The following NFIB variants were observed in gnomAD, a reference collection of about 807,000 sequenced individuals.
NFIB encodes nuclear factor I B, also known as nuclear factor 1 B-type.
NFIB carries 11 observed loss-of-function variants against 61.5 expected under a neutral mutation model. The observed-to-expected ratio is 0.18, with a 90% CI of 0.11 to 0.30. The LOEUF is 0.30. Among genes scored for constraint, NFIB ranks in the 10% least tolerant of loss-of-function variants. NFIB has a pLI of 1.00. For missense variants in NFIB, 471 were observed against 608.9 expected (o/e 0.77, Z 2.38); for synonymous variants, 260 against 216.5 (o/e 1.20, Z -1.76).
At chr9:14,286,681 T>C (rs1215067872) in intron 2 of NFIB, among the ~76,000 whole-genome samples, 2 of 152,226 alleles carry the variant, frequency 1.3e-5, no homozygotes, top group Non-Finnish European at 2.9e-5. Flanking sequence ...TGTCTCTCAC[T>C]ACTATAAAAT....
At chr9:14,318,859 T>C (rs10961475), upstream of NFIB, among the ~76,000 whole-genome samples, 65 of 152,236 alleles carry the variant, frequency 4.3e-4, no homozygotes, top group East Asian at 0.012. Flanking sequence ...AAAATCAATT[T>C]TACCAGCTCA....
the NFIB span, among the ~76,000 whole-genome samples, chr9:14,515,956 C>T: frequency 6.6e-6 from 1 of 152,264 alleles, no homozygotes; most frequent in African/African-American, 2.4e-5. Context: ...GCTGTGACTG[C>T]TAATGGCTGC....
chr9:14,184,072 C>T (rs1237204643), intron 2 of NFIB, among the ~76,000 whole-genome samples: 1 of 138,648 alleles, frequency 7.2e-6, no homozygotes, highest in Non-Finnish European at 1.6e-5. Context: ...AGCGGTCAAT[C>T]TCTCGTGGCT....
chr9:14,272,557 G>C, intron 2 of NFIB, among the ~76,000 whole-genome samples: 1 of 151,770 alleles, frequency 6.6e-6, no homozygotes, highest in East Asian at 1.9e-4. Flanking sequence ...TCTAGCATTT[G>C]TGCTGCCAGT....
At chr9:14,187,647 T>A (rs2047528946) in intron 2 of NFIB, among the ~76,000 whole-genome samples, 1 of 152,130 alleles carries the variant, frequency 6.6e-6, no homozygotes. Flanking sequence ...ACTTTTTTGC[T>A]TAACAAGGAG....
chr9:14,436,831 G>T, the NFIB span, among the ~76,000 whole-genome samples: 1 of 152,142 alleles, frequency 6.6e-6, no homozygotes, highest in African/African-American at 2.4e-5. Flanking sequence ...AGGATTCAGT[G>T]GAGAAGAAAA....
At chr9:14,473,795 A>T in the NFIB span, among the ~76,000 whole-genome samples, 3 of 152,112 alleles carry the variant, frequency 2.0e-5, no homozygotes, top group African/African-American at 7.2e-5. Context: ...TGATTTTTTT[A>T]TGTCTCCACT....
chr9:14,346,087 G>A (rs2061014629), intron 1 of NFIB, among the ~76,000 whole-genome samples: 1 of 152,188 alleles, frequency 6.6e-6, no homozygotes, highest in African/African-American at 2.4e-5. Flanking sequence ...CAGTAGAAGC[G>A]GGACCTGTGC....
the NFIB span, among the ~76,000 whole-genome samples, chr9:14,412,633 G>A: frequency 2.2e-4 from 34 of 152,170 alleles, no homozygotes; most frequent in Admixed American, 2.2e-3. Flanking sequence ...TGTGGGGCAT[G>A]AGCAGGGCTC....
chr9:14,499,300 G>C, the NFIB span, among the ~76,000 whole-genome samples: 1 of 152,146 alleles, frequency 6.6e-6, no homozygotes, highest in East Asian at 1.9e-4. Flanking sequence ...GGATGGTGGA[G>C]GTAGCAGGAG....
At chr9:14,467,518 G>A in the NFIB span, among the ~76,000 whole-genome samples, 1 of 152,110 alleles carries the variant, frequency 6.6e-6, no homozygotes, top group Non-Finnish European at 1.5e-5. Context: ...AGCTCTTACT[G>A]GGGTGAAGGG....
At position 14,109,043 on chromosome 9, in the gene NFIB, A is replaced by G. The variant is rs557496799; in HGVS notation, c.1467+3956T>C. The stretch of plus-strand genomic sequence containing the variant: ...CAAATGTAATGGTGATAATCAAATT[A>G]GCCAGATTCTCTTGTATTAATACTA... On this transcript the variant is annotated intron_variant, in intron 10 of 10. Transcript: ENST00000380953. 2.6e-5 allele frequency among the ~76,000 whole-genome samples: 4 copies of G among 152,202 alleles called. No homozygotes were observed. The South Asian group carries it at 8.3e-4, about 32-fold the overall frequency.
chr9:14,167,404 G>C (rs1044358605), intron 3 of NFIB, among the ~76,000 whole-genome samples: 1 of 151,996 alleles, frequency 6.6e-6, no homozygotes, highest in African/African-American at 2.4e-5. Flanking sequence ...ATGGTGGTAC[G>C]CGCCTCTAGT....
intron 10 of NFIB, among the ~76,000 whole-genome samples, chr9:14,097,480 G>A (rs2034982334): frequency 6.6e-6 from 1 of 152,186 alleles, no homozygotes; most frequent in African/African-American, 2.4e-5. Context: ...ATAACAAACT[G>A]AGAGCAGGAA....
intron 10 of NFIB, among the ~76,000 whole-genome samples, chr9:14,100,170 G>C (rs2035525031): frequency 6.6e-6 from 1 of 152,096 alleles, no homozygotes; most frequent in Non-Finnish European, 1.5e-5. Flanking sequence ...CTAATCAAAA[G>C]AAAAGTTACA....
Position 14,089,364 on chromosome 9 carries a change from T to TAAA in NFIB, c.1468-1041_1468-1039dup, listed in dbSNP as rs577188593. Reference sequence around the variant, plus strand: ...TCGCCTATGCTGAATTACAGGCTGTTAAAAAAAAAAAAAAAAGACTGGAAA... The same window carrying TAAA: ...TCGCCTATGCTGAATTACAGGCTGTTAAAAAAAAAAAAAAAAAAAGACTGGAAA... On this transcript the variant is annotated intron_variant, in intron 10 of 10. Coordinates refer to ENST00000380953, the MANE Select transcript of NFIB (RefSeq NM_001190737.2). Among the ~76,000 whole-genome samples, 260 of 134,640 alleles carry TAAA rather than the reference T, an allele frequency of 1.9e-3. 1 individual carries two copies. Among genetic ancestry groups the TAAA allele is most frequent in the South Asian group, 7.9e-3 (32 of 4,062 alleles). 88.3% of individuals were successfully genotyped at this position (134,640 alleles called of 152,430 possible).
At chr9:14,466,460 T>G in the NFIB span, among the ~76,000 whole-genome samples, 1 of 152,136 alleles carries the variant, frequency 6.6e-6, no homozygotes, top group East Asian at 1.9e-4. Flanking sequence ...TCCTCTGGGC[T>G]CTGCGTTTGA....
chr9:14,418,606 T>G, the NFIB span, among the ~76,000 whole-genome samples: 5 of 152,298 alleles, frequency 3.3e-5, no homozygotes, highest in African/African-American at 1.2e-4. Context: ...GCCCTGTGTC[T>G]CTACATACTG....
the NFIB span, among the ~76,000 whole-genome samples, chr9:14,481,147 A>C: frequency 2.9e-5 from 4 of 138,018 alleles, no homozygotes; most frequent in African/African-American, 1.1e-4. Context: ...TTCATGGATA[A>C]CTAATTTGAT....
Sources: gnomAD v4.1 joint callset for allele counts (sites outside exome capture counted in the v4.1 genomes callset) on GRCh38, gnomAD v4.1.1 for gene constraint, MANE v1.5 for transcripts, NCBI Gene and HGNC (gene_info 2026-07-23, HGNC 2026-07-21) for gene names.